COL6A5: variants seen among roughly 807,000 people sequenced by gnomAD.
COL6A5 encodes collagen type VI alpha 5 chain.
Under a neutral mutation model 65.6 loss-of-function variants are expected in COL6A5, and 48 were observed. The ratio of observed to expected loss-of-function variants is 0.73; its 90% CI spans 0.58 to 0.93. The LOEUF is 0.93. Among genes scored for constraint, COL6A5 ranks in the 40% least tolerant of loss-of-function variants. The pLI, the probability that COL6A5 is intolerant of heterozygous loss-of-function variation, is 0.00. For missense variants in COL6A5, 914 were observed against 928.3 expected (o/e 0.98, Z 0.20); for synonymous variants, 291 against 322.8 (o/e 0.90, Z 1.05).
chr3:130,396,341 T>C (rs914558241), intron 8 of COL6A5, among the ~76,000 whole-genome samples: 23 of 152,220 alleles, frequency 1.5e-4, no homozygotes. Flanking sequence ...ACTCTCCACA[T>C]CTTATATGTC....
rs1429969921 is a variant in COL6A5, at chr3:130,414,165, G to A, written c.4761+34G>A. ...GAATATTTTGTAAATATTGATAAAT[G>A]CTGTAAAGTTATTCTGATGGGAAGA... On this transcript the variant is annotated intron_variant and NMD_transcript_variant, in intron 22 of 41. Coordinates refer to the COL6A5 transcript ENST00000312481. The A allele has an allele frequency of 4.8e-6, 7 of 1,454,738 alleles. No homozygotes were observed. The East Asian group carries it at 1.2e-4, about 26-fold the overall frequency. 90.1% of individuals were successfully genotyped at this position (1,454,738 alleles called of 1,614,324 possible).
At chr3:130,443,860 C>T (rs1411970432) in intron 4 of COL6A5, among the ~76,000 whole-genome samples, 1 of 152,102 alleles carries the variant, frequency 6.6e-6, no homozygotes, top group Non-Finnish European at 1.5e-5. Flanking sequence ...CCACCTCAAC[C>T]TCACTTCTCA....
At chr3:130,428,920 G>T (rs971927081), upstream of COL6A5, among the ~76,000 whole-genome samples, 1 of 152,130 alleles carries the variant, frequency 6.6e-6, no homozygotes, top group Admixed American at 6.6e-5. Flanking sequence ...GGAATCGAGT[G>T]AAATGAACAT....
At chr3:130,454,961 C>T (rs910560797) in intron 4 of COL6A5, among the ~76,000 whole-genome samples, 2 of 151,892 alleles carry the variant, frequency 1.3e-5, no homozygotes, top group Admixed American at 6.6e-5. Flanking sequence ...GGCAATACAA[C>T]AAGAACCAAT....
At position 130,403,678 on chromosome 3, in the gene COL6A5, T is replaced by C. The variant is rs752624242; in HGVS notation, c.4281+16T>C. 266 of 1,544,984 alleles carry C rather than the reference T, an allele frequency of 1.7e-4. No individual in the cohort carries two copies. Among genetic ancestry groups the C allele is most frequent in the Non-Finnish European group, 2.2e-4 (253 of 1,142,216 alleles). On this transcript the variant is annotated intron_variant and NMD_transcript_variant, in intron 13 of 41. Coordinates refer to the COL6A5 transcript ENST00000312481. ...TGGAAACCCTGTAAGTTTTTATTAC[T>C]CCCCCTCACCCCCTGTTGCACACAC... is the stretch of plus-strand genomic sequence containing the variant.
chr3:130,484,038 G>A lies in COL6A5; in HGVS notation c.2334G>A (p.Trp778Ter). Residue 778 changes from tryptophan to a stop codon, truncating the protein, a stop_gained, in exon 8 of 8, where the codon TGG becomes TGA. Coordinates refer to ENST00000512836, the Ensembl canonical transcript of COL6A5. LOFTEE classifies it high-confidence loss of function. ...TGAATATTGTTATATTTTGCAGATGGTGAAGATACAAGGTCATCATAGGAG... is the reference window on the plus strand; with the variant it reads ...TGAATATTGTTATATTTTGCAGATGATGAAGATACAAGGTCATCATAGGAG... 1.2e-6 allele frequency: 2 copies of A among 1,608,682 alleles called. No individual in the cohort carries two copies.
intron 7 of COL6A5, among the ~76,000 whole-genome samples, chr3:130,474,769 A>G (rs1710046164): frequency 1.3e-5 from 2 of 151,958 alleles, no homozygotes; most frequent in African/African-American, 4.8e-5. Flanking sequence ...GCACTTTGGG[A>G]AGCTGAGGTG....
chr3:130,473,847 C>T (rs1450463387), intron 7 of COL6A5, among the ~76,000 whole-genome samples: 2 of 152,124 alleles, frequency 1.3e-5, no homozygotes, highest in Non-Finnish European at 2.9e-5. Flanking sequence ...CAGGGGCTGC[C>T]TTTGCTCACT....
In COL6A5 at chr3:130,468,991, C is replaced by T. The variant is rs1244463113; in HGVS notation, c.1743C>T (p.Thr581=). 5 of 1,612,752 alleles carry T rather than the reference C, an allele frequency of 3.1e-6. No individual in the cohort carries two copies. The African/African-American group carries it at 5.3e-5, about 17-fold the overall frequency. Residue 581 remains threonine, a synonymous_variant, in exon 6 of 8, where the codon ACC becomes ACT. Transcript: ENST00000512836. ...TTCACATTGCCCCCACTCCACTGAC[C>T]TCCACCTTAGGAGACAGGGTTGCTG...
At chr3:130,414,644 C>A (rs559756761) in intron 22 of COL6A5, among the ~76,000 whole-genome samples, 1 of 152,240 alleles carries the variant, frequency 6.6e-6, no homozygotes, top group African/African-American at 2.4e-5. Flanking sequence ...GTCAGAGCAT[C>A]ATTGTCTTAC....
At chr3:130,380,016 TA>T (rs1935941656) in exon 4 of COL6A5, 1 of 1,547,396 alleles carries the variant, frequency 6.5e-7, no homozygotes, top group Non-Finnish European at 8.7e-7. Flanking sequence ...CCCAAATTTC[TA>T]CTTATGCTGA....
chr3:130,440,870 G>A (rs372615531), intron 3 of COL6A5, 45 bp downstream of exon 35: 370 of 1,408,328 alleles, frequency 2.6e-4, no homozygotes, highest in Non-Finnish European at 3.4e-4. Flanking sequence ...ATAAGCTAGT[G>A]TTTGTTAATA....
intron 10 of COL6A5, among the ~76,000 whole-genome samples, chr3:130,399,332 G>GCAAGCAAA (rs1468880278): frequency 2.0e-5 from 3 of 151,600 alleles, no homozygotes; most frequent in Non-Finnish European, 2.9e-5. Flanking sequence ...TGCAGAACCT[G>GCAAGCAAA]GCCTTTGCTT....
intron 2 of COL6A5, among the ~76,000 whole-genome samples, chr3:130,375,898 A>C (rs1312869103): frequency 6.6e-6 from 1 of 152,068 alleles, no homozygotes; most frequent in Non-Finnish European, 1.5e-5. Context: ...GGATTATGGG[A>C]GCTATAATTC....
exon 3 of COL6A5, chr3:130,376,414 T>C (rs1237504991): frequency 6.2e-7 from 1 of 1,613,418 alleles, no homozygotes; most frequent in South Asian, 1.1e-5. Flanking sequence ...CACAGTGAAT[T>C]CCATCTGAGC....
intron 4 of COL6A5, among the ~76,000 whole-genome samples, chr3:130,454,869 G>C (rs1642103115): frequency 6.6e-6 from 1 of 152,104 alleles, no homozygotes; most frequent in African/African-American, 2.4e-5. Flanking sequence ...TGCTGGACAT[G>C]GTGGCTCACA....
At chr3:130,430,888 T>C (rs1317761495), upstream of COL6A5, among the ~76,000 whole-genome samples, 2 of 152,200 alleles carry the variant, frequency 1.3e-5, no homozygotes, top group Non-Finnish European at 2.9e-5. Context: ...GATTCATCTT[T>C]GCATGCATTT....
chr3:130,480,428 A>G (rs2107626986), intron 7 of COL6A5, among the ~76,000 whole-genome samples: 1 of 152,160 alleles, frequency 6.6e-6, no homozygotes, highest in East Asian at 1.9e-4. Context: ...AAGCATATAA[A>G]CTTATTAGAG....
chr3:130,402,631 G>T (rs1170556831), intron 12 of COL6A5, among the ~76,000 whole-genome samples: 1 of 152,148 alleles, frequency 6.6e-6, no homozygotes, highest in Non-Finnish European at 1.5e-5. Context: ...TCAGAAGTCA[G>T]GAGGGCCCTT....
Sources: gnomAD v4.1 joint callset for allele counts (sites outside exome capture counted in the v4.1 genomes callset) on GRCh38, gnomAD v4.1.1 for gene constraint, MANE v1.5 for transcripts, NCBI Gene and HGNC (gene_info 2026-07-23, HGNC 2026-07-21) for gene names.